EMC3: variants seen among roughly 807,000 people sequenced by gnomAD.
The protein encoded by EMC3 is ER membrane protein complex subunit 3.
Under a neutral mutation model 36.6 loss-of-function variants are expected in EMC3, and 13 were observed. The ratio of observed to expected loss-of-function variants is 0.35; its 90% CI spans 0.23 to 0.56. EMC3 has a LOEUF of 0.56. Ranked by LOEUF, EMC3 falls within the 20% of genes least tolerant of loss-of-function variation. The pLI is 0.84. For synonymous variants in EMC3, 120 were observed against 111.9 expected (o/e 1.07, Z -0.46); for missense variants, 220 against 324.5 (o/e 0.68, Z 2.47).
intron 3 of EMC3, among the ~76,000 whole-genome samples, chr3:9,975,941 TAAA>T: frequency 6.6e-6 from 1 of 152,220 alleles, no homozygotes. Context: ...AAAAATTTGT[TAAA>T]AAATTAACTC....
Position 9,994,361 on chromosome 3 carries a change from A to C in EMC3, c.-241-7459T>G, listed in dbSNP as rs77672712. 3 of 547,288 alleles carry C rather than the reference A, an allele frequency of 5.5e-6. 1 individual carries two copies. The highest frequency in any genetic ancestry group is 6.6e-6 in the Non-Finnish European group (2 of 305,208). 33.9% of individuals were successfully genotyped at this position (547,288 alleles called of 1,614,324 possible). On this transcript the variant is annotated intron_variant, in intron 1 of 8. Transcript: ENST00000470827. Reference sequence around the variant, plus strand: ...ACTTATTTTGGCAAGGAGGGAACAGAGGAAGGAAGAATCATCTAATGCTTA... The same window carrying C: ...ACTTATTTTGGCAAGGAGGGAACAGCGGAAGGAAGAATCATCTAATGCTTA...
chr3:9,981,658 T>C (rs2085912886), intron 1 of EMC3: 2 of 361,474 alleles, frequency 5.5e-6, no homozygotes, highest in South Asian at 4.0e-5. Context: ...TGGTCTCAAA[T>C]TCCTGGGCTC....
chr3:10,006,656 A>AG (rs1173837521), intron 1 of EMC3: 1 of 200,352 alleles, frequency 5.0e-6, no homozygotes, highest in Non-Finnish European at 1.0e-5. Flanking sequence ...AGGGAATGGG[A>AG]GGGGGGTTGT....
upstream of EMC3, chr3:9,986,880 G>C (rs529143197): frequency 3.0e-3 from 4,012 of 1,357,904 alleles, 9 homozygotes; most frequent in Non-Finnish European, 3.6e-3. Context: ...GCGCACCTCA[G>C]TGGCGTCAGA....
chr3:9,976,756 A>C (rs933303714), intron 3 of EMC3, among the ~76,000 whole-genome samples: 4 of 152,092 alleles, frequency 2.6e-5, no homozygotes, highest in Non-Finnish European at 5.9e-5. Context: ...CACTTTATAC[A>C]TTGGGGTTCT....
intron 5 of EMC3, among the ~76,000 whole-genome samples, chr3:9,972,331 G>A (rs1406281876): frequency 6.6e-6 from 1 of 152,028 alleles, no homozygotes; most frequent in African/African-American, 2.4e-5. Flanking sequence ...CTTTCTGGGG[G>A]TTGATACATC....
At chr3:9,987,396 C>T (rs1411247900), upstream of EMC3, 2 of 661,576 alleles carry the variant, frequency 3.0e-6, no homozygotes, top group East Asian at 1.4e-4. Flanking sequence ...CTCATCTGCC[C>T]TGAGATGGGA....
At chr3:9,975,553 C>A (rs1405784197) in intron 3 of EMC3, among the ~76,000 whole-genome samples, 2 of 151,856 alleles carry the variant, frequency 1.3e-5, no homozygotes, top group Non-Finnish European at 2.9e-5. Flanking sequence ...TGGCTCACAC[C>A]TGTAATCCCA....
intron 5 of EMC3, 82 bp downstream of exon 5, chr3:9,973,546 A>G: frequency 7.6e-7 from 1 of 1,323,540 alleles, no homozygotes. Context: ...GCTGGTCTCA[A>G]ACTCATGGGC....
At chr3:9,991,767 C>T (rs1037606853), upstream of EMC3, among the ~76,000 whole-genome samples, 2 of 152,186 alleles carry the variant, frequency 1.3e-5, no homozygotes, top group Non-Finnish European at 2.9e-5. Flanking sequence ...GCTCAGCAGT[C>T]CCTAACCTTT....
chr3:9,986,902 C>A (rs2085981343), upstream of EMC3: 2 of 1,311,486 alleles, frequency 1.5e-6, no homozygotes, highest in Non-Finnish European at 2.0e-6. Context: ...CGGCGTCGGG[C>A]CTGGCGGGAA....
chr3:9,987,014 G>C (rs577659661), upstream of EMC3: 6 of 1,050,370 alleles, frequency 5.7e-6, no homozygotes, highest in East Asian at 3.1e-4. Flanking sequence ...AGGGGATCGA[G>C]ACCATCCTGG....
upstream of EMC3, chr3:9,987,911 C>G (rs1225117040): frequency 9.9e-7 from 1 of 1,010,744 alleles, no homozygotes; most frequent in African/African-American, 1.6e-5. Context: ...TGCAGGTAAT[C>G]TCTGAGCTTC....
intron 1 of EMC3, among the ~76,000 whole-genome samples, chr3:9,978,035 G>A (rs928247055): frequency 6.6e-6 from 1 of 151,464 alleles, no homozygotes; most frequent in African/African-American, 2.4e-5. Flanking sequence ...GCTAGGCCAG[G>A]TGCAGTGGCT....
chr3:9,992,124 T>C (rs2086061073), intron 1 of EMC3, among the ~76,000 whole-genome samples: 1 of 151,824 alleles, frequency 6.6e-6, no homozygotes, highest in African/African-American at 2.4e-5. Flanking sequence ...AATTTTGTAA[T>C]TAAAAAGTCT....
chr3:10,009,649 C>A (rs2086302599), intron 1 of EMC3, among the ~76,000 whole-genome samples: 1 of 152,140 alleles, frequency 6.6e-6, no homozygotes, highest in South Asian at 2.1e-4. Context: ...AGAGGCGGGG[C>A]CCGTGGGGCG....
chr3:9,980,974 T>C (rs9812006), intron 1 of EMC3, among the ~76,000 whole-genome samples: 37,994 of 151,912 alleles, frequency 0.25, 6,032 homozygotes, highest in African/African-American at 0.45. Context: ...GTGGGAGGAT[T>C]GCTTGAGCCC....
chr3:9,964,083 T>A lies in EMC3; in HGVS notation c.772A>T (p.Thr258Ser). 1 of 1,613,968 alleles carries A rather than the reference T, an allele frequency of 6.2e-7. No individual in the cohort carries two copies. The highest frequency in any genetic ancestry group is 1.3e-5 in the African/African-American group (1 of 74,976). The change falls in exon 8 of 8, where the codon ACC becomes TCC. Residue 258 changes from threonine (T) to serine (S), a missense_variant. Thr to Ser is a moderately conservative substitution (Grantham distance 58). This residue lies in a region of EMC3 where 37 missense variants were observed against 32.9 expected (regional missense o/e 1.13). Coordinates refer to ENST00000245046, the MANE Select transcript of EMC3 (RefSeq NM_001394674.1). ...FEGMFKKELQTSIF is the reference protein window; with the variant it reads ...FEGMFKKELQSSIF ...CTGCTCGGTCTTCAAAAAATAGAGG[T>A]CTGTAATTCCTTTTTGAACATGCCT...
chr3:9,998,365 C>CAAAAAAA (rs756795321), intron 1 of EMC3, among the ~76,000 whole-genome samples: 1 of 54,388 alleles, frequency 1.8e-5, no homozygotes, highest in African/African-American at 4.7e-5. Flanking sequence ...GACTCTGTCT[C>CAAAAAAA]AAATAATAAT....
Sources: allele counts gnomAD v4.1 joint callset (sites outside exome capture counted in the v4.1 genomes callset), GRCh38; gene constraint gnomAD v4.1.1; regional missense constraint gnomAD v4.1.1; transcripts MANE v1.5; gene names NCBI Gene and HGNC (gene_info 2026-07-23, HGNC 2026-07-21).